RIN3: variants seen among roughly 807,000 people sequenced by gnomAD.
RIN3 encodes RAB5 interacting protein 3.
Under a neutral mutation model 76.3 loss-of-function variants are expected in RIN3, and 54 were observed. The ratio of observed to expected loss-of-function variants is 0.71; its 90% CI spans 0.57 to 0.89. The LOEUF is 0.89. Among genes scored for constraint, RIN3 ranks in the 40% least tolerant of loss-of-function variants. The probability of loss-of-function intolerance (pLI) is 0.00; values close to 1 mark genes in which losing one functional copy is unlikely to be tolerated. For synonymous variants in RIN3, 576 were observed against 564.0 expected (o/e 1.02, Z -0.30); for missense variants, 1,256 against 1,322.1 (o/e 0.95, Z 0.78).
chr14:92,606,380 A>G (rs535671885), intron 3 of RIN3, among the ~76,000 whole-genome samples: 1 of 152,082 alleles, frequency 6.6e-6, no homozygotes, highest in South Asian at 2.1e-4. Context: ...ATCTACAACA[A>G]CAATAACAAC....
intron 1 of RIN3, among the ~76,000 whole-genome samples, chr14:92,542,714 T>C (rs1464898995): frequency 6.6e-6 from 1 of 152,168 alleles, no homozygotes; most frequent in Non-Finnish European, 1.5e-5. Flanking sequence ...CTCCATACAA[T>C]GGGATATTGC....
In RIN3 at chr14:92,685,103, C is replaced by T. The variant is rs539718901; in HGVS notation, c.2584C>T (p.Arg862Cys). 15 of 1,613,588 alleles carry T rather than the reference C, an allele frequency of 9.3e-6. No homozygotes were observed. Among genetic ancestry groups the T allele is most frequent in the African/African-American group, 5.3e-5 (4 of 75,046 alleles). Reference sequence around the variant, plus strand: ...GCAGGACTCCATCCACCGCTGGGAGCGCCGGCGTACTCTCAACAAGGCCCG... The same window carrying T: ...GCAGGACTCCATCCACCGCTGGGAGTGCCGGCGTACTCTCAACAAGGCCCG... ...EVQDSIHRWE[R>C]RRTLNKARAS... The change falls in exon 9 of 10, where the codon CGC becomes TGC. Residue 862 changes from arginine (R) to cysteine (C), a missense_variant. Coordinates refer to ENST00000216487, the MANE Select transcript of RIN3 (RefSeq NM_024832.5). The surrounding 1 kb of genome is among the most constrained non-coding windows in gnomAD (Gnocchi z 4.7).
chr14:92,545,647 C>T (rs546036628), intron 1 of RIN3, among the ~76,000 whole-genome samples: 1 of 140,892 alleles, frequency 7.1e-6, no homozygotes, highest in Admixed American at 7.7e-5. Flanking sequence ...GTGGTGCGAT[C>T]AGTGCTCACT....
intron 7 of RIN3, among the ~76,000 whole-genome samples, chr14:92,661,592 C>T (rs1276268616): frequency 4.6e-5 from 7 of 152,198 alleles, no homozygotes; most frequent in Non-Finnish European, 7.4e-5. Flanking sequence ...AGTGTGTTGG[C>T]GGGCGCCTGT....
chr14:92,581,671 C>G (rs1200539385), intron 3 of RIN3, among the ~76,000 whole-genome samples: 2 of 152,196 alleles, frequency 1.3e-5, no homozygotes, highest in African/African-American at 4.8e-5. Flanking sequence ...CACCCCACAC[C>G]CCTGGAAACC....
chr14:92,608,833 CCT>C (rs532417080), intron 3 of RIN3, among the ~76,000 whole-genome samples: 1 of 151,982 alleles, frequency 6.6e-6, no homozygotes, highest in Non-Finnish European at 1.5e-5. Flanking sequence ...CCGTGCCCAG[CCT>C]CTCTCTCTTA....
In RIN3 at chr14:92,688,263, GGGCGCCTCCCCTCACCCCCA is replaced by G; in HGVS notation, c.*17_*36del. On this transcript the variant is annotated 3_prime_UTR_variant, in exon 10 of 10. Coordinates refer to ENST00000216487, the MANE Select transcript of RIN3 (RefSeq NM_024832.5). ...CCCAACTTCCTGTGAGGCCCTCCCGGGGCGCCTCCCCTCACCCCCAGGCGCACGTCTGGCCCCGCCTCTGG... is the reference window on the plus strand; with the variant it reads ...CCCAACTTCCTGTGAGGCCCTCCCGGGGCGCACGTCTGGCCCCGCCTCTGG... 1 of 1,559,400 alleles carries G rather than the reference GGGCGCCTCCCCTCACCCCCA, an allele frequency of 6.4e-7. No individual in the cohort carries two copies. The highest frequency in any genetic ancestry group is 8.7e-7 in the Non-Finnish European group (1 of 1,154,954).
intron 5 of RIN3, among the ~76,000 whole-genome samples, chr14:92,646,742 T>C (rs1368685901): frequency 6.6e-6 from 1 of 152,182 alleles, no homozygotes; most frequent in Non-Finnish European, 1.5e-5. Context: ...CTCCCGGCCA[T>C]GTGTGTTTGT....
intron 8 of RIN3, among the ~76,000 whole-genome samples, chr14:92,676,828 A>C (rs1256679021): frequency 2.6e-5 from 4 of 152,174 alleles, no homozygotes; most frequent in African/African-American, 4.8e-5. Context: ...CCTCCACGTA[A>C]CAAGTGCTGG....
chr14:92,538,015 C>T (rs1025052449), intron 1 of RIN3, among the ~76,000 whole-genome samples: 2 of 151,944 alleles, frequency 1.3e-5, no homozygotes, highest in Admixed American at 6.6e-5. Flanking sequence ...TTAGTAGAGA[C>T]GGGGTTTCAC....
intron 2 of RIN3, among the ~76,000 whole-genome samples, chr14:92,558,841 C>T (rs1027395546): frequency 6.6e-6 from 1 of 151,788 alleles, no homozygotes; most frequent in African/African-American, 2.4e-5. Context: ...GAGGAGGATG[C>T]ATCTTCCAGC....
chr14:92,677,449 C>A (rs1410107655), intron 8 of RIN3, among the ~76,000 whole-genome samples: 2 of 152,174 alleles, frequency 1.3e-5, no homozygotes, highest in Non-Finnish European at 2.9e-5. Context: ...GATGAGCAGA[C>A]CCTCTTTGTA....
At chr14:92,602,390 A>G (rs1367222029) in intron 3 of RIN3, among the ~76,000 whole-genome samples, 1 of 152,168 alleles carries the variant, frequency 6.6e-6, no homozygotes, top group Non-Finnish European at 1.5e-5. Flanking sequence ...CGCCGATTGC[A>G]TTCCTGTAGG....
In RIN3 at chr14:92,652,060, C is replaced by T; in HGVS notation, c.1011C>T (p.Pro337=). ...PGPPDHPNQP[P]MMTCERLPCP... ...CCCCAGACCATCCGAACCAGCCGCC[C>T]ATGATGACCTGCGAGAGACTCCCAT... is the stretch of plus-strand genomic sequence containing the variant. The change falls in exon 6 of 10, where the codon CCC becomes CCT. Residue 337 remains proline (P), a synonymous_variant. Transcript: ENST00000216487. The surrounding 1 kb of genome is among the most constrained non-coding windows in gnomAD (Gnocchi z 6.4). The T allele has an allele frequency of 1.9e-6, 3 of 1,603,164 alleles. No homozygotes were observed. The highest frequency in any genetic ancestry group is 2.5e-6 in the Non-Finnish European group (3 of 1,179,650).
intron 4 of RIN3, among the ~76,000 whole-genome samples, chr14:92,629,084 G>A (rs530047460): frequency 8.6e-5 from 13 of 151,620 alleles, no homozygotes; most frequent in Non-Finnish European, 1.2e-4. Flanking sequence ...GTATTTAGGC[G>A]CTGCCCACCA....
At chr14:92,558,966 A>T (rs1897681625) in intron 2 of RIN3, among the ~76,000 whole-genome samples, 1 of 143,728 alleles carries the variant, frequency 7.0e-6, no homozygotes, top group South Asian at 2.2e-4. Context: ...TCCTGGGTTC[A>T]AGCGATTCTC....
chr14:92,523,370 C>T (rs934832670), intron 1 of RIN3, among the ~76,000 whole-genome samples: 2 of 152,212 alleles, frequency 1.3e-5, no homozygotes, highest in African/African-American at 4.8e-5. Context: ...TCCTGGCCTC[C>T]CAAAGTGCTG....
At chr14:92,551,735 C>T (rs1897431235) in intron 1 of RIN3, among the ~76,000 whole-genome samples, 1 of 152,142 alleles carries the variant, frequency 6.6e-6, no homozygotes, top group South Asian at 2.1e-4. Context: ...GCTTATTGTC[C>T]ATTTGTATGT....
In RIN3 at chr14:92,550,258, CG is replaced by C. The variant is rs1241858092; in HGVS notation, c.45-5488del. ...GAAGAGGAAGAGAAGCGTTATAACT[CG>C]GGGGTTGGAGGGTTGGAAAAACTGT... is the stretch of plus-strand genomic sequence containing the variant. On this transcript the variant is annotated intron_variant, in intron 1 of 9. Coordinates refer to ENST00000216487, the MANE Select transcript of RIN3 (RefSeq NM_024832.5). Among the ~76,000 whole-genome samples, 10 of 152,188 alleles carry C rather than the reference CG, an allele frequency of 6.6e-5. No individual in the cohort carries two copies. The East Asian group carries it at 1.5e-3, about 24-fold the overall frequency.
Sources: gnomAD v4.1 joint callset for allele counts (sites outside exome capture counted in the v4.1 genomes callset) on GRCh38, gnomAD v4.1.1 for gene constraint, Gnocchi (gnomAD v3.1) non-coding constraint, MANE v1.5 for transcripts, NCBI Gene and HGNC (gene_info 2026-07-23, HGNC 2026-07-21) for gene names.